CWH43: variants seen among roughly 807,000 people sequenced by gnomAD.
CWH43 encodes cell wall biogenesis 43 C-terminal homolog.
In CWH43, 91 loss-of-function variants were observed where a neutral mutation model predicts 85.7. The ratio of observed to expected loss-of-function variants is 1.06; its 90% CI spans 0.90 to 1.26. CWH43 has a LOEUF of 1.26. Ranked by LOEUF, CWH43 falls within the 50% of genes most tolerant of loss-of-function variation. The pLI is 0.00. For synonymous variants in CWH43, 323 were observed against 293.6 expected, an observed-to-expected ratio of 1.10 and a Z score of -1.02; for missense variants, 869 against 839.2, an observed-to-expected ratio of 1.04 and a Z score of -0.44.
chr4:49,014,794 C>T (rs1783487390), intron 8 of CWH43, among the ~76,000 whole-genome samples: 2 of 151,112 alleles, frequency 1.3e-5, no homozygotes, highest in South Asian at 4.2e-4. Context: ...GCCTCATGCC[C>T]CCACATACAT....
chr4:48,991,137 G>C (rs1215426401), intron 2 of CWH43, among the ~76,000 whole-genome samples: 1 of 152,160 alleles, frequency 6.6e-6, no homozygotes, highest in African/African-American at 2.4e-5. Flanking sequence ...GTGGAGAGAA[G>C]GGAATGAGAA....
Position 49,012,039 on chromosome 4 carries a change from GTTC to G in CWH43, c.1186+4718_1186+4720del, listed in dbSNP as rs1362622122. 2.0e-5 allele frequency among the ~76,000 whole-genome samples: 3 copies of G among 152,248 alleles called. No homozygotes were observed. In the East Asian group the frequency reaches 5.8e-4, roughly 29 times the overall value. On this transcript the variant is annotated intron_variant, in intron 8 of 15. Coordinates refer to ENST00000226432, the MANE Select transcript of CWH43 (RefSeq NM_025087.3). ...TGGCTTGCCTTGCTAGGTTGGGGAA[GTTC>G]TTCTGGATAATATCCTGAAGAGTGT...
intron 9 of CWH43, among the ~76,000 whole-genome samples, chr4:49,022,629 A>C (rs1050939994): frequency 7.2e-5 from 11 of 152,140 alleles, no homozygotes; most frequent in African/African-American, 2.2e-4. Context: ...ATTGGTACCA[A>C]TTCTTCTTTG....
intron 1 of CWH43, 146 bp from the exon 2 acceptor site, chr4:48,988,329 ATG>A: frequency 2.7e-5 from 15 of 553,368 alleles, no homozygotes; most frequent in South Asian, 2.1e-4. Flanking sequence ...GTTTTGTTCC[ATG>A]TCAGTGGAGA....
At chr4:49,048,295 C>G (rs1366619510) in intron 14 of CWH43, among the ~76,000 whole-genome samples, 2 of 151,218 alleles carry the variant, frequency 1.3e-5, no homozygotes, top group African/African-American at 2.4e-5. Context: ...TATATACACA[C>G]TCTGTGTGTG....
rs781735117 is a variant in CWH43 at position 48,991,516 on chromosome 4, G to T, written c.298G>T (p.Val100Leu). ...TCGACTGATGGTTCTTGCGCTTGGG[G>T]TGTCTTCCTCACTGATAGTGCAAGC... ...KLRLMVLALGVSSSLIVQAVT... is the reference protein window; with the variant it reads ...KLRLMVLALGLSSSLIVQAVT... The change falls in exon 3 of 16, where the codon GTG (valine) becomes TTG (leucine). Residue 100 changes from valine (V) to leucine (L), a missense_variant. Val to Leu is a conservative substitution (Grantham distance 32). Around this residue, in one of 3 missense-constraint regions of CWH43, gnomAD observed 140 missense variants for 122.6 expected, o/e 1.14. Coordinates refer to ENST00000226432, the MANE Select transcript of CWH43 (RefSeq NM_025087.3). 13 of 1,613,920 alleles carry T rather than the reference G, an allele frequency of 8.1e-6. No homozygotes were observed. In the East Asian group the frequency reaches 2.7e-4, roughly 33 times the overall value.
chr4:49,061,918 G>A lies in CWH43; in HGVS notation c.*28G>A. 2 of 1,304,058 alleles carry A rather than the reference G, an allele frequency of 1.5e-6. No homozygotes were observed. Among genetic ancestry groups the A allele is most frequent in the Non-Finnish European group, 2.0e-6 (2 of 987,270 alleles). The allele number at this position is 1,304,058 out of a possible 1,614,324, so 80.8% of individuals were successfully genotyped here. On this transcript the variant is annotated 3_prime_UTR_variant, in exon 16 of 16. Coordinates refer to ENST00000226432, the MANE Select transcript of CWH43 (RefSeq NM_025087.3). ...CATTTAAAACAAGAAGTTATTGGCT[G>A]GGAAAATCTAAGAAAAAAAGTATGT...
At chr4:49,045,793 T>C (rs1784605400) in intron 14 of CWH43, among the ~76,000 whole-genome samples, 1 of 152,156 alleles carries the variant, frequency 6.6e-6, no homozygotes, top group Admixed American at 6.6e-5. Context: ...CAATGTGGTA[T>C]TCCAATACTT....
At chr4:49,028,252 C>A (rs1477004820) in intron 9 of CWH43, among the ~76,000 whole-genome samples, 1 of 151,992 alleles carries the variant, frequency 6.6e-6, no homozygotes, top group Admixed American at 6.6e-5. Context: ...TCCTTGTGGA[C>A]CTATGTAGCC....
intron 8 of CWH43, among the ~76,000 whole-genome samples, chr4:49,015,049 C>A (rs1192931178): frequency 2.0e-5 from 3 of 152,152 alleles, no homozygotes; most frequent in Non-Finnish European, 4.4e-5. Context: ...ATTCCTCCTC[C>A]AAACCCCTGG....
chr4:49,046,854 G>A (rs1022670218), intron 14 of CWH43, among the ~76,000 whole-genome samples: 2 of 152,152 alleles, frequency 1.3e-5, no homozygotes, highest in Non-Finnish European at 2.9e-5. Flanking sequence ...CTTCCACAGA[G>A]GGAACATGCT....
At chr4:49,020,853 T>C (rs1255532142) in intron 9 of CWH43, among the ~76,000 whole-genome samples, 1 of 152,170 alleles carries the variant, frequency 6.6e-6, no homozygotes, top group Non-Finnish European at 1.5e-5. Context: ...CATTTGTGTA[T>C]CTTCTTTTGA....
At chr4:49,044,642 G>A (rs559347322) in intron 13 of CWH43, 144 bp from the exon 14 acceptor site, 1 of 585,820 alleles carries the variant, frequency 1.7e-6, no homozygotes, top group Non-Finnish European at 3.0e-6. Flanking sequence ...AAATAATTTG[G>A]ACCAAAAAAG....
intron 10 of CWH43, among the ~76,000 whole-genome samples, chr4:49,030,067 C>A (rs1202837525): frequency 6.6e-6 from 1 of 152,128 alleles, no homozygotes; most frequent in South Asian, 2.1e-4. Flanking sequence ...ACAAGAAATA[C>A]CCACAGGTGT....
At chr4:49,042,029 T>C (rs1005499426) in intron 13 of CWH43, among the ~76,000 whole-genome samples, 5 of 152,192 alleles carry the variant, frequency 3.3e-5, no homozygotes, top group African/African-American at 1.2e-4. Flanking sequence ...AGTCTCTGCA[T>C]TTTTTGGATA....
At chr4:49,033,867 C>T (rs1340782675) in intron 12 of CWH43, among the ~76,000 whole-genome samples, 1 of 152,118 alleles carries the variant, frequency 6.6e-6, no homozygotes. Context: ...TGACATGAGG[C>T]CACAGAACTT....
Position 48,992,002 on chromosome 4 carries a change from T to A in CWH43, c.423T>A (p.Thr141=), listed in dbSNP as rs755399109. ...TTGTTGTTCTACGCATATGGTATAC[T>A]TCACTAAACCCAATCTGGAGTTATC... is the stretch of plus-strand genomic sequence containing the variant. ...IVLVVLRIWY[T]SLNPIWSYQM... The change falls in exon 4 of 16, where the codon ACT becomes ACA. Residue 141 remains threonine (T), a synonymous_variant. Coordinates refer to ENST00000226432, the MANE Select transcript of CWH43 (RefSeq NM_025087.3). The surrounding 1 kb of genome is among the most constrained non-coding windows in gnomAD (Gnocchi z 4.3). The A allele has an allele frequency of 7.4e-6, 12 of 1,613,830 alleles. No homozygotes were observed. The highest frequency in any genetic ancestry group is 8.5e-7 in the Non-Finnish European group (1 of 1,179,848).
At chr4:49,019,737 G>A (rs1319058196) in intron 9 of CWH43, among the ~76,000 whole-genome samples, 1 of 151,946 alleles carries the variant, frequency 6.6e-6, no homozygotes. Context: ...ACACCACCAT[G>A]CCCAGCTAAT....
intron 8 of CWH43, among the ~76,000 whole-genome samples, chr4:49,011,094 T>A (rs1245382907): frequency 2.0e-4 from 31 of 152,296 alleles, no homozygotes; most frequent in Admixed American, 2.0e-3. Flanking sequence ...TCTCCTATTA[T>A]TATTGTGTAG....
Sources: gnomAD v4.1 joint callset for allele counts (sites outside exome capture counted in the v4.1 genomes callset) on GRCh38, gnomAD v4.1.1 for gene constraint, gnomAD v4.1.1 regional missense constraint, Gnocchi (gnomAD v3.1) non-coding constraint, MANE v1.5 for transcripts, NCBI Gene and HGNC (gene_info 2026-07-23, HGNC 2026-07-21) for gene names.